AKNA: variants seen among roughly 807,000 people sequenced by gnomAD.
AKNA encodes the protein microtubule organization protein AKNA.
In AKNA, 67 loss-of-function variants were observed where a neutral mutation model predicts 138.8. That is an observed-to-expected ratio of 0.48 (90% CI 0.40 to 0.59). The LOEUF (loss-of-function observed/expected upper bound fraction) is 0.59. AKNA is among the 20% of genes least tolerant of loss of function. The pLI, the probability that AKNA is intolerant of heterozygous loss-of-function variation, is 0.00. For synonymous variants in AKNA, 737 were observed against 754.4 expected (o/e 0.98, Z 0.38); for missense variants, 1,813 against 1,880.4 (o/e 0.96, Z 0.66).
Position 114,337,012 on chromosome 9 carries a change from T to TGGGGGGGGGGGGGGGGGGCGC in AKNA, c.*41_*42insGCGCCCCCCCCCCCCCCCCCC. ...CCCACTCCTGGCCTGGCAGGCCACC[T>TGGGGGGGGGGGGGGGGGGCGC]GCCCACCCACCCACCCATCTGCCTC... On this transcript the variant is annotated 3_prime_UTR_variant, in exon 22 of 22. Transcript: ENST00000374088. 8.3e-7 allele frequency: 1 copy of TGGGGGGGGGGGGGGGGGGCGC among 1,208,224 alleles called. No individual in the cohort carries two copies. The highest frequency in any genetic ancestry group is 1.1e-6 in the Non-Finnish European group (1 of 929,350). The allele number at this position is 1,208,224 out of a possible 1,614,324, so 74.8% of individuals were successfully genotyped here. A position where few individuals can be genotyped will look rare whatever the true frequency, so the allele number is the denominator to read the frequency against.
At chr9:114,384,970 C>T (rs1178630732) in intron 1 of AKNA, among the ~76,000 whole-genome samples, 1 of 152,208 alleles carries the variant, frequency 6.6e-6, no homozygotes, top group Non-Finnish European at 1.5e-5. Flanking sequence ...CCACCTCGGC[C>T]TCCTGAGTAG....
Position 114,346,681 on chromosome 9 carries a change from G to T in AKNA, c.3502C>A (p.Arg1168=). 6.2e-7 allele frequency: 1 copy of T among 1,610,038 alleles called. No individual in the cohort carries two copies. Among genetic ancestry groups the T allele is most frequent in the African/African-American group, 1.3e-5 (1 of 74,782 alleles). Residue 1168 remains arginine, a synonymous_variant, in exon 17 of 22, where the codon CGA becomes AGA. Transcript: ENST00000374088. ...RSSSVPREVL[R]LSLSSESELP... ...GGTGGTCACTTACTCAGGGACAGTC[G>T]GAGCACCTCCCGAGGCACTGAGGAA...
At chr9:114,393,888 A>G (rs1205442699) in intron 1 of AKNA, among the ~76,000 whole-genome samples, 1 of 152,174 alleles carries the variant, frequency 6.6e-6, no homozygotes, top group Non-Finnish European at 1.5e-5. Context: ...AATGTTTACA[A>G]CAGGCCATGC....
intron 4 of AKNA, among the ~76,000 whole-genome samples, chr9:114,373,363 TGTGGTGAGGTG>T (rs1307133815): frequency 2.0e-5 from 3 of 151,920 alleles, no homozygotes; most frequent in Non-Finnish European, 2.9e-5. Flanking sequence ...GGGGAGAGGC[TGTGGTGAGGTG>T]GTGGGGAGGG....
intron 19 of AKNA, 105 bp downstream of exon 19, chr9:114,343,603 T>G: frequency 8.3e-7 from 1 of 1,198,062 alleles, no homozygotes; most frequent in Non-Finnish European, 1.2e-6. Flanking sequence ...TATAACCCAC[T>G]GCTAAGTTCA....
chr9:114,341,475 C>CTAACATATT, intron 21 of AKNA, 58 bp downstream of exon 21: 1 of 1,604,452 alleles, frequency 6.2e-7, no homozygotes, highest in Non-Finnish European at 8.5e-7. Flanking sequence ...GGTCTGAATG[C>CTAACATATT]TAACATATTC....
intron 1 of AKNA, among the ~76,000 whole-genome samples, chr9:114,385,551 C>CTCTGGG (rs1438960605): frequency 2.0e-5 from 3 of 152,246 alleles, no homozygotes; most frequent in Admixed American, 6.5e-5. Flanking sequence ...ACAGAGCAGC[C>CTCTGGG]TGCCCAATCA....
chr9:114,345,639 G>T, intron 18 of AKNA: 1 of 506,248 alleles, frequency 2.0e-6, no homozygotes, highest in South Asian at 2.5e-5. Context: ...CCTGGCAAAG[G>T]GGAAGCATCA....
upstream of AKNA, among the ~76,000 whole-genome samples, chr9:114,398,236 C>T (rs377658693): frequency 6.6e-6 from 1 of 152,238 alleles, no homozygotes; most frequent in Non-Finnish European, 1.5e-5. This position sits in a 1 kb window ranked among gnomAD's most constrained non-coding sequence, Gnocchi z 4.2. Flanking sequence ...AGGGCTCCCT[C>T]CCATTCCCGG....
chr9:114,372,287 C>T (rs1832824182), intron 4 of AKNA, among the ~76,000 whole-genome samples: 2 of 152,106 alleles, frequency 1.3e-5, no homozygotes, highest in South Asian at 2.1e-4. Flanking sequence ...CCCTCACACA[C>T]ATGAGCCAGG....
At chr9:114,372,975 G>GT (rs1554842101) in intron 4 of AKNA, among the ~76,000 whole-genome samples, 1 of 136,318 alleles carries the variant, frequency 7.3e-6, no homozygotes, top group African/African-American at 2.7e-5. Flanking sequence ...GGGGGGGGGG[G>GT]GGGTCCTGGT....
chr9:114,345,101 C>T lies in AKNA; in HGVS notation c.3661+762G>A, dbSNP rs181323443. 1.7e-4 allele frequency: 26 copies of T among 151,178 alleles called. No individual in the cohort carries two copies. The East Asian group carries it at 2.1e-3, about 12-fold the overall frequency. 9.4% of individuals were successfully genotyped at this position (151,178 alleles called of 1,614,324 possible). A position where few individuals can be genotyped will look rare whatever the true frequency, so the allele number is the denominator to read the frequency against. On this transcript the variant is annotated intron_variant, in intron 18 of 21. Coordinates refer to ENST00000374088, the MANE Select transcript of AKNA (RefSeq NM_001317950.2). ...TATATATATTTATGTATTTTTGAGACGGAGTCTCACTGTCACCCAGGCTGG... is the reference window on the plus strand; with the variant it reads ...TATATATATTTATGTATTTTTGAGATGGAGTCTCACTGTCACCCAGGCTGG...
intron 4 of AKNA, among the ~76,000 whole-genome samples, chr9:114,372,516 T>C (rs2075852014): frequency 6.6e-6 from 1 of 152,080 alleles, no homozygotes; most frequent in Admixed American, 6.5e-5. Context: ...GTAAATGCTT[T>C]CTGTATACTG....
chr9:114,373,386 G>A (rs1832939340), intron 4 of AKNA, among the ~76,000 whole-genome samples: 1 of 152,170 alleles, frequency 6.6e-6, no homozygotes, highest in Non-Finnish European at 1.5e-5. Flanking sequence ...TGGGGAGGGA[G>A]AAAGGCAAAG....
chr9:114,347,136 G>A (rs2131823303), intron 16 of AKNA, among the ~76,000 whole-genome samples: 1 of 152,304 alleles, frequency 6.6e-6, no homozygotes, highest in Admixed American at 6.5e-5. Flanking sequence ...CCGAATTAAT[G>A]GGTGAGAGTG....
chr9:114,342,072 A>G lies in AKNA; in HGVS notation c.3811T>C (p.Cys1271Arg). 6.2e-7 allele frequency: 1 copy of G among 1,613,278 alleles called. No individual in the cohort carries two copies. Among genetic ancestry groups the G allele is most frequent in the Middle Eastern group, 1.7e-4 (1 of 6,046 alleles). ...GACCCAACTTGACCACACAGGGGAC[A>G]CTGAAGGGTATCAGCGGGAGGCGGT... ...LGPPPADTLQ[C>R]PLCGQVGSPP... is the part of the protein sequence containing the mutation. The change falls in exon 20 of 22, where the codon TGT (cysteine) becomes CGT (arginine). Residue 1271 changes from cysteine to arginine, a missense_variant. Coordinates refer to ENST00000374088, the MANE Select transcript of AKNA (RefSeq NM_001317950.2).
downstream of AKNA, chr9:114,331,676 T>C: frequency 6.2e-7 from 1 of 1,611,998 alleles, no homozygotes. Context: ...CTTTCTATGG[T>C]AGGCATGCTT....
At chr9:114,386,181 A>G (rs1834017696) in intron 1 of AKNA, among the ~76,000 whole-genome samples, 1 of 152,238 alleles carries the variant, frequency 6.6e-6, no homozygotes. Flanking sequence ...TAACTTTTTA[A>G]AAAAGCCCTA....
At chr9:114,370,426 C>T (rs1832688087) in intron 4 of AKNA, among the ~76,000 whole-genome samples, 2 of 152,150 alleles carry the variant, frequency 1.3e-5, no homozygotes, top group African/African-American at 4.8e-5. Context: ...GGGGATGGGC[C>T]AGGGAAGCCA....
Sources: gnomAD v4.1 joint callset for allele counts (sites outside exome capture counted in the v4.1 genomes callset) on GRCh38, gnomAD v4.1.1 for gene constraint, Gnocchi (gnomAD v3.1) non-coding constraint, MANE v1.5 for transcripts, NCBI Gene and HGNC (gene_info 2026-07-23, HGNC 2026-07-21) for gene names.